Variants in P4HA1 observed in about 807,000 individuals in gnomAD.
P4HA1 encodes prolyl 4-hydroxylase subunit alpha-1.
P4HA1 carries 24 observed loss-of-function variants against 72.8 expected under a neutral mutation model. That is an observed-to-expected ratio of 0.33 (90% CI 0.24 to 0.46). The LOEUF (loss-of-function observed/expected upper bound fraction) is 0.46. Ranked by LOEUF, P4HA1 falls within the 20% of genes least tolerant of loss-of-function variation. The pLI is 1.00. For missense variants in P4HA1, 446 were observed against 640.6 expected, an observed-to-expected ratio of 0.70 and a Z score of 3.28; for synonymous variants, 201 against 218.8, an observed-to-expected ratio of 0.92 and a Z score of 0.72.
chr10:73,058,311 T>C (rs1841209778), intron 5 of P4HA1, among the ~76,000 whole-genome samples: 1 of 152,108 alleles, frequency 6.6e-6, no homozygotes, highest in Non-Finnish European at 1.5e-5. Context: ...TCACTTTTGA[T>C]TAACCTCAGT....
At chr10:73,074,636 G>A (rs1841652455) in intron 2 of P4HA1, among the ~76,000 whole-genome samples, 172 bp downstream of exon 2, 1 of 151,932 alleles carries the variant, frequency 6.6e-6, no homozygotes, top group Admixed American at 6.6e-5. Context: ...TATCATTTTT[G>A]TAATAAAAAA....
intron 5 of P4HA1, among the ~76,000 whole-genome samples, chr10:73,066,642 G>A (rs1448943777): frequency 1.3e-5 from 2 of 151,996 alleles, no homozygotes. Flanking sequence ...GATATGGTTT[G>A]GCTCTGTGTT....
At chr10:73,047,606 C>G (rs1840903137) in intron 7 of P4HA1, among the ~76,000 whole-genome samples, 1 of 141,364 alleles carries the variant, frequency 7.1e-6, no homozygotes, top group Non-Finnish European at 1.5e-5. Context: ...AAATGGATAG[C>G]TCTGAAAAAG....
In P4HA1 at chr10:73,072,097, T is replaced by G; in HGVS notation, c.257A>C (p.Lys86Thr). The G allele has an allele frequency of 6.2e-7, 1 of 1,612,974 alleles. No individual in the cohort carries two copies. Residue 86 changes from lysine to threonine, a missense_variant, in exon 4 of 15, where the codon AAA becomes ACA. Transcript: ENST00000394890. Reference sequence around the variant, plus strand: ...CTCAGTATTCAGACGTTTCATTAATTTGAATGCATTTACTGGATGCCCAAC... The same window carrying G: ...CTCAGTATTCAGACGTTTCATTAATGTGAATGCATTTACTGGATGCCCAAC... ...GFVGHPVNAFKLMKRLNTEWS... is the reference protein window; with the variant it reads ...GFVGHPVNAFTLMKRLNTEWS...
At chr10:73,088,795 A>G (rs1428870994) in intron 1 of P4HA1, among the ~76,000 whole-genome samples, 2 of 152,242 alleles carry the variant, frequency 1.3e-5, no homozygotes, top group Admixed American at 1.3e-4. Flanking sequence ...AACTTTTTCA[A>G]AATGAATTGA....
chr10:73,078,283 C>A (rs1251003570), intron 1 of P4HA1, among the ~76,000 whole-genome samples: 2 of 151,986 alleles, frequency 1.3e-5, no homozygotes, highest in Non-Finnish European at 2.9e-5. Flanking sequence ...AATAAGAAAC[C>A]ATTTTTGCCC....
rs536078694 is a variant in P4HA1 at position 73,023,754 on chromosome 10, C to T, written c.1248+6517G>A. On this transcript the variant is annotated intron_variant, in intron 10 of 14. Coordinates refer to ENST00000394890, the MANE Select transcript of P4HA1 (RefSeq NM_001017962.3). ...AGGAGACACATCTCATGTGCAGAGA[C>T]ACACATAGGCTCAAAATAAAGGGAT... Among the ~76,000 whole-genome samples, 11 of 146,020 alleles carry T rather than the reference C, an allele frequency of 7.5e-5. No individual in the cohort carries two copies. In the South Asian group the frequency reaches 2.4e-3, roughly 32 times the overall value.
intron 9 of P4HA1, among the ~76,000 whole-genome samples, chr10:73,041,910 C>A (rs1380649840): frequency 2.6e-5 from 4 of 151,800 alleles, no homozygotes; most frequent in Non-Finnish European, 5.9e-5. Context: ...TCATGGCTCA[C>A]TGTGGCTCTC....
At chr10:73,065,043 A>G (rs9732032) in intron 5 of P4HA1, 7,754 of 152,276 alleles carry the variant, frequency 0.051, 562 homozygotes, top group African/African-American at 0.16. Context: ...GCAGTGTGGT[A>G]CACTGATAGC....
chr10:73,059,720 G>A (rs1352738709), intron 5 of P4HA1, among the ~76,000 whole-genome samples: 2 of 150,818 alleles, frequency 1.3e-5, no homozygotes, highest in African/African-American at 4.8e-5. Flanking sequence ...TCCAGCCTGG[G>A]CGACAGAGCA....
chr10:73,094,870 T>C lies in P4HA1; in HGVS notation c.-33+1896A>G, dbSNP rs1291480076. ...GGCATAATTAAAAGTTGTACACATT[T>C]TTCAACTGTTTTACCATCTAAGTTA... On this transcript the variant is annotated intron_variant, in intron 1 of 14. Transcript: ENST00000394890. Among the ~76,000 whole-genome samples, 5 of 152,320 alleles carry C rather than the reference T, an allele frequency of 3.3e-5. No homozygotes were observed. The East Asian group carries it at 7.7e-4, about 23-fold the overall frequency.
chr10:73,084,283 T>C (rs937172216), intron 1 of P4HA1, among the ~76,000 whole-genome samples: 2 of 152,236 alleles, frequency 1.3e-5, no homozygotes, highest in East Asian at 1.9e-4. Flanking sequence ...GAAGTTTTCA[T>C]GAAACTTCAT....
At chr10:73,034,822 C>A (rs1418528483) in intron 9 of P4HA1, among the ~76,000 whole-genome samples, 1 of 152,092 alleles carries the variant, frequency 6.6e-6, no homozygotes, top group Admixed American at 6.6e-5. Context: ...CTCAGGCAAT[C>A]TGCCTGCCTC....
intron 5 of P4HA1, among the ~76,000 whole-genome samples, chr10:73,055,058 T>C (rs1841107908): frequency 6.6e-6 from 1 of 152,188 alleles, no homozygotes; most frequent in East Asian, 1.9e-4. Context: ...GACCCTCATA[T>C]CTAACAAAAA....
chr10:73,031,671 ATG>A (rs1840436555), intron 9 of P4HA1, among the ~76,000 whole-genome samples: 1 of 152,184 alleles, frequency 6.6e-6, no homozygotes, highest in South Asian at 2.1e-4. Context: ...ATGACTCCTA[ATG>A]GGTACAGGAT....
At chr10:73,068,330 G>C (rs1841474025) in intron 5 of P4HA1, among the ~76,000 whole-genome samples, 1 of 152,112 alleles carries the variant, frequency 6.6e-6, no homozygotes, top group Non-Finnish European at 1.5e-5. Flanking sequence ...CTTTGAAAAA[G>C]TGAGGGACGG....
chr10:73,028,034 AC>A (rs1840332600), intron 10 of P4HA1, among the ~76,000 whole-genome samples: 2 of 152,118 alleles, frequency 1.3e-5, no homozygotes, highest in Non-Finnish European at 2.9e-5. Flanking sequence ...TGAATACTGA[AC>A]AACAGTCAAA....
intron 10 of P4HA1, among the ~76,000 whole-genome samples, chr10:73,018,172 G>A (rs559877195): frequency 1.3e-5 from 2 of 152,254 alleles, no homozygotes; most frequent in South Asian, 2.1e-4. Context: ...CTGCAGCCAT[G>A]TACTCCCTCC....
Position 73,051,003 on chromosome 10 carries a change from ACACATACACACACACATT to A in P4HA1, c.900+32_900+49del, listed in dbSNP as rs753412650. 3 of 1,264,400 alleles carry A rather than the reference ACACATACACACACACATT, an allele frequency of 2.4e-6. No homozygotes were observed. The East Asian group carries it at 6.9e-5, about 29-fold the overall frequency. 78.3% of individuals were successfully genotyped at this position (1,264,400 alleles called of 1,614,324 possible). On this transcript the variant is annotated intron_variant, in intron 7 of 14. Transcript: ENST00000394890. ...TGATTCTCTCCAGAACTGTGTACAA[ACACATACACACACACATT>A]CACATACACACAATTGGCTTTTCCA...
Sources: gnomAD v4.1 joint callset for allele counts (sites outside exome capture counted in the v4.1 genomes callset) on GRCh38, gnomAD v4.1.1 for gene constraint, MANE v1.5 for transcripts, NCBI Gene and HGNC (gene_info 2026-07-23, HGNC 2026-07-21) for gene names.